KLHL18: variants seen among roughly 807,000 people sequenced by gnomAD.
KLHL18 encodes kelch-like protein 18.
KLHL18 carries 38 observed loss-of-function variants against 58.5 expected under a neutral mutation model. The ratio of observed to expected loss-of-function variants is 0.65; its 90% CI spans 0.50 to 0.85. KLHL18 has a LOEUF of 0.85. Ranked by LOEUF, KLHL18 falls within the 40% of genes least tolerant of loss-of-function variation. KLHL18 has a pLI of 0.00. For synonymous variants in KLHL18, 303 were observed against 301.9 expected, an observed-to-expected ratio of 1.00 and a Z score of -0.04; for missense variants, 624 against 778.4, an observed-to-expected ratio of 0.80 and a Z score of 2.36.
At chr3:47,315,333 C>T (rs925450391) in intron 1 of KLHL18, among the ~76,000 whole-genome samples, 2 of 152,166 alleles carry the variant, frequency 1.3e-5, no homozygotes, top group Admixed American at 1.3e-4. Context: ...ACCCCCTCCC[C>T]CACTCTCTCA....
rs771373698 is a variant in KLHL18 at position 47,319,809 on chromosome 3, G to A, written c.260+26G>A. 130 of 1,609,444 alleles carry A rather than the reference G, an allele frequency of 8.1e-5. 1 individual carries two copies. Among genetic ancestry groups the A allele is most frequent in the South Asian group, 4.8e-4 (44 of 90,816 alleles). ...GTACTGAATCCCACCATTAGGTTTC[G>A]CAGGCTGCTTTCCAAGTGCAGTTTC... On this transcript the variant is annotated intron_variant, in intron 2 of 9. Transcript: ENST00000232766.
intron 1 of KLHL18, among the ~76,000 whole-genome samples, chr3:47,317,850 CT>C (rs1703492126): frequency 6.6e-6 from 1 of 152,110 alleles, no homozygotes; most frequent in Non-Finnish European, 1.5e-5. Flanking sequence ...TAATAGTTAT[CT>C]TTTGCCGCAT....
chr3:47,340,606 T>A lies in KLHL18; in HGVS notation c.1156T>A (p.Tyr386Asn), dbSNP rs1445583280. The change falls in exon 8 of 10, where the codon TAC becomes AAC. Residue 386 changes from tyrosine (Y) to asparagine (N), a missense_variant. Transcript: ENST00000232766. The stretch of plus-strand genomic sequence containing the variant: ...GACAGTCGTGCTGGATGGGCAGATC[T>A]ACGTCTGTGGGGGCTACGATGGCAA... The part of the protein sequence containing the change: ...MGTVVLDGQI[Y>N]VCGGYDGNSS... The A allele has an allele frequency of 3.1e-6, 5 of 1,614,080 alleles. No homozygotes were observed.
intron 2 of KLHL18, among the ~76,000 whole-genome samples, chr3:47,321,408 A>G (rs1448795922): frequency 6.6e-6 from 1 of 150,862 alleles, no homozygotes; most frequent in Non-Finnish European, 1.5e-5. Flanking sequence ...ATGCAATGAC[A>G]TGATCTCTGT....
intron 1 of KLHL18, among the ~76,000 whole-genome samples, chr3:47,298,708 A>G (rs1245514434): frequency 6.6e-6 from 1 of 152,178 alleles, no homozygotes; most frequent in African/African-American, 2.4e-5. Context: ...TTATAGTCAC[A>G]TCCAGCCCCC....
At chr3:47,336,994 G>A in intron 7 of KLHL18, 1 of 506,592 alleles carries the variant, frequency 2.0e-6, no homozygotes, top group Non-Finnish European at 3.6e-6. Context: ...TGTGGAAGTT[G>A]TGTTGTTATT....
chr3:47,299,938 C>T (rs942551234), intron 1 of KLHL18, among the ~76,000 whole-genome samples: 19 of 151,384 alleles, frequency 1.3e-4, no homozygotes, highest in Non-Finnish European at 2.1e-4. Flanking sequence ...TAACATCAAA[C>T]CTTATCTGAA....
At chr3:47,333,464 G>A (rs1703914996) in intron 5 of KLHL18, 147 bp downstream of exon 5, 1 of 772,616 alleles carries the variant, frequency 1.3e-6, no homozygotes, top group Non-Finnish European at 2.0e-6. Flanking sequence ...CTGTCTAGAA[G>A]CTGGAACAGG....
chr3:47,304,072 C>T (rs1456372435), intron 1 of KLHL18, among the ~76,000 whole-genome samples: 1 of 152,176 alleles, frequency 6.6e-6, no homozygotes, highest in African/African-American at 2.4e-5. Context: ...CTTATATCCC[C>T]TATCTCTACA....
At chr3:47,325,439 C>T (rs1173194206) in intron 3 of KLHL18, among the ~76,000 whole-genome samples, 5 of 152,234 alleles carry the variant, frequency 3.3e-5, no homozygotes, top group African/African-American at 7.2e-5. Context: ...CCTTGTGATC[C>T]GCCCGCCTCA....
chr3:47,324,298 C>CTTTGTTTTTTTT (rs1703659922), intron 3 of KLHL18, among the ~76,000 whole-genome samples: 1 of 37,486 alleles, frequency 2.7e-5, no homozygotes, highest in Non-Finnish European at 4.7e-5. Context: ...TTCTTTCTTT[C>CTTTGTTTTTTTT]TTTTTTTTTT....
At chr3:47,332,210 C>T (rs1703880122) in intron 4 of KLHL18, among the ~76,000 whole-genome samples, 1 of 151,898 alleles carries the variant, frequency 6.6e-6, no homozygotes, top group African/African-American at 2.4e-5. Flanking sequence ...GTTAGCCAGG[C>T]CTGGTCCAGC....
chr3:47,298,407 T>G (rs762872229), intron 1 of KLHL18, among the ~76,000 whole-genome samples: 55 of 151,220 alleles, frequency 3.6e-4, no homozygotes, highest in Admixed American at 2.1e-3. Flanking sequence ...GGATCTGACT[T>G]GTAGGCAGTA....
At chr3:47,318,313 G>A (rs1156957312) in intron 1 of KLHL18, among the ~76,000 whole-genome samples, 2 of 152,230 alleles carry the variant, frequency 1.3e-5, no homozygotes, top group Non-Finnish European at 2.9e-5. Flanking sequence ...GCTCACTCAG[G>A]TAGCTGTAGA....
At chr3:47,323,236 G>A (rs1355753574) in intron 3 of KLHL18, among the ~76,000 whole-genome samples, 3 of 151,798 alleles carry the variant, frequency 2.0e-5, no homozygotes, top group Admixed American at 6.6e-5. Flanking sequence ...CTACAGGCAC[G>A]TGCCACCACA....
At chr3:47,315,331 C>A (rs1437404675) in intron 1 of KLHL18, among the ~76,000 whole-genome samples, 2 of 152,026 alleles carry the variant, frequency 1.3e-5, no homozygotes, top group Non-Finnish European at 1.5e-5. Context: ...GCACCCCCTC[C>A]CCCACTCTCT....
rs1487892976 is a variant in KLHL18, at chr3:47,344,399, C to T, written c.*458C>T. On this transcript the variant is annotated 3_prime_UTR_variant, in exon 10 of 10. Transcript: ENST00000232766. ...ATGTAGCTGGGGACGAAAGGACAGA[C>T]CCAAGCGTTCTCCCTGCCTGAGATG... 5.0e-6 allele frequency: 1 copy of T among 200,996 alleles called. No individual in the cohort carries two copies. The highest frequency in any genetic ancestry group is 1.7e-4 in the East Asian group (1 of 6,030). 12.5% of individuals were successfully genotyped at this position (200,996 alleles called of 1,614,324 possible). A position where few individuals can be genotyped will look rare whatever the true frequency, so the allele number is the denominator to read the frequency against.
intron 1 of KLHL18, among the ~76,000 whole-genome samples, chr3:47,289,294 C>T (rs1702741482): frequency 6.6e-6 from 1 of 152,198 alleles, no homozygotes; most frequent in Admixed American, 6.5e-5. Context: ...TTTCCCAAGG[C>T]CCCTGCTGAG....
chr3:47,309,305 C>G (rs1035437559), intron 1 of KLHL18, among the ~76,000 whole-genome samples: 18 of 152,200 alleles, frequency 1.2e-4, no homozygotes, highest in Non-Finnish European at 2.1e-4. Context: ...GACGGGGCGG[C>G]GGCCGGGCAG....
Sources: gnomAD v4.1 joint callset for allele counts (sites outside exome capture counted in the v4.1 genomes callset) on GRCh38, gnomAD v4.1.1 for gene constraint, MANE v1.5 for transcripts, NCBI Gene and HGNC (gene_info 2026-07-23, HGNC 2026-07-21) for gene names.